UBXN2A: variants seen among roughly 807,000 people sequenced by gnomAD.
The protein encoded by UBXN2A is UBX domain-containing protein 2A.
In UBXN2A, 28 loss-of-function variants were observed where a neutral mutation model predicts 28.4. The ratio of observed to expected loss-of-function variants is 0.99; its 90% CI spans 0.73 to 1.35. UBXN2A has a LOEUF of 1.35. UBXN2A is among the 40% of genes most tolerant of loss of function. The pLI is 0.00. For missense variants in UBXN2A, 253 were observed against 297.9 expected (o/e 0.85, Z 1.11); for synonymous variants, 97 against 103.6 (o/e 0.94, Z 0.39).
chr2:23,956,210 A>G (rs964190319), intron 1 of UBXN2A, among the ~76,000 whole-genome samples: 6 of 151,576 alleles, frequency 4.0e-5, no homozygotes, highest in African/African-American at 1.2e-4. Context: ...ATAGACTCAC[A>G]TATTTTTGTT....
At chr2:23,977,849 C>T (rs1006448882) in intron 4 of UBXN2A, among the ~76,000 whole-genome samples, 2 of 151,340 alleles carry the variant, frequency 1.3e-5, no homozygotes, top group Non-Finnish European at 2.9e-5. Context: ...TTTTTTTTCC[C>T]GAGATGGAGT....
Position 23,967,840 on chromosome 2 carries a change from G to A in UBXN2A, c.42-3436G>A, listed in dbSNP as rs117228337. Among the ~76,000 whole-genome samples, 270 of 152,182 alleles carry A rather than the reference G, an allele frequency of 1.8e-3. 1 individual carries two copies. Among genetic ancestry groups the A allele is most frequent in the East Asian group, 5.8e-3 (30 of 5,184 alleles). ...TATGGAGTATTTTAAGAGTATATACGAGAGGACTACCTAGGGAAGGAAAAA... is the reference window on the plus strand; with the variant it reads ...TATGGAGTATTTTAAGAGTATATACAAGAGGACTACCTAGGGAAGGAAAAA... On this transcript the variant is annotated intron_variant, in intron 2 of 6. Coordinates refer to ENST00000309033, the MANE Select transcript of UBXN2A (RefSeq NM_181713.4).
At chr2:23,991,406 T>TACACACACACACACAC (rs371442810) in intron 6 of UBXN2A, among the ~76,000 whole-genome samples, 114 of 148,524 alleles carry the variant, frequency 7.7e-4, no homozygotes, top group Middle Eastern at 3.4e-3. Flanking sequence ...TTTTATTTTA[T>TACACACACACACACAC]ACACACACAC....
chr2:23,969,819 C>T (rs185367497), intron 2 of UBXN2A, among the ~76,000 whole-genome samples: 2 of 152,028 alleles, frequency 1.3e-5, no homozygotes, highest in East Asian at 3.9e-4. Flanking sequence ...GACTCTGTCT[C>T]AAAAATAAAT....
chr2:23,970,368 C>T (rs1044468768), intron 2 of UBXN2A, among the ~76,000 whole-genome samples: 3 of 152,068 alleles, frequency 2.0e-5, no homozygotes, highest in African/African-American at 7.2e-5. Context: ...ATTTTTGCCC[C>T]TAGATGCATT....
intron 1 of UBXN2A, among the ~76,000 whole-genome samples, chr2:23,944,605 G>T (rs1241081883): frequency 6.6e-6 from 1 of 152,258 alleles, no homozygotes; most frequent in African/African-American, 2.4e-5. Flanking sequence ...CCTAATCTGG[G>T]CCTAGAAGCA....
chr2:23,992,919 A>G (rs1708404212), intron 6 of UBXN2A, among the ~76,000 whole-genome samples: 1 of 152,190 alleles, frequency 6.6e-6, no homozygotes, highest in Non-Finnish European at 1.5e-5. Context: ...CTAGGCTAAC[A>G]GTATTAGTTT....
intron 1 of UBXN2A, among the ~76,000 whole-genome samples, chr2:23,955,002 G>A (rs1423670853): frequency 6.9e-6 from 1 of 144,584 alleles, no homozygotes; most frequent in Admixed American, 7.3e-5. Flanking sequence ...GTGCAATTTC[G>A]GCTCACTGCA....
rs183912947 is a variant in UBXN2A, at chr2:23,982,284, G to A, written c.288-612G>A. ...TAGGAGGCTGAGGCAGGAGAATGGC[G>A]TGAACCCGGGAGGCGGAGCTTGCAG... On this transcript the variant is annotated intron_variant, in intron 4 of 6. Coordinates refer to ENST00000309033, the MANE Select transcript of UBXN2A (RefSeq NM_181713.4). Among the ~76,000 whole-genome samples, 506 of 151,782 alleles carry A rather than the reference G, an allele frequency of 3.3e-3. 3 individuals are homozygous for A. Among genetic ancestry groups the A allele is most frequent in the African/African-American group, 0.012 (488 of 41,410 alleles).
intron 2 of UBXN2A, among the ~76,000 whole-genome samples, chr2:23,967,870 TATACCTAA>T (rs1287159042): frequency 2.0e-4 from 30 of 152,136 alleles, no homozygotes; most frequent in Admixed American, 1.2e-3. Flanking sequence ...GAAAAAAATG[TATACCTAA>T]GTTAAAGCAC....
Position 23,959,112 on chromosome 2 carries a change from C to T in UBXN2A, c.41+757C>T, listed in dbSNP as rs145088002. On this transcript the variant is annotated intron_variant, in intron 2 of 6. Transcript: ENST00000309033. ...CCTCTCAAAATGCTAGGATTATAAG[C>T]GTGAGCCACCATGCTTGGCCTATTA... Among the ~76,000 whole-genome samples, 35 of 152,266 alleles carry T rather than the reference C, an allele frequency of 2.3e-4. No homozygotes were observed. The East Asian group carries it at 5.6e-3, about 24-fold the overall frequency.
rs1441424669 is a variant in UBXN2A, at chr2:23,962,131, C to T, written c.41+3776C>T. Among the ~76,000 whole-genome samples, 3 of 152,194 alleles carry T rather than the reference C, an allele frequency of 2.0e-5. No individual in the cohort carries two copies. In the East Asian group the frequency reaches 5.8e-4, roughly 29 times the overall value. On this transcript the variant is annotated intron_variant, in intron 2 of 6. Transcript: ENST00000309033. ...AAAGTGCTAGGATTACAGGCATGAG[C>T]CACCGCGCCCAGCCAAAAACTGCTT...
chr2:23,946,424 G>A (rs192896919), intron 1 of UBXN2A, among the ~76,000 whole-genome samples: 44 of 151,974 alleles, frequency 2.9e-4, no homozygotes, highest in Non-Finnish European at 4.7e-4. Flanking sequence ...GGGTTCAAGC[G>A]ATTCCCCTGC....
intron 6 of UBXN2A, among the ~76,000 whole-genome samples, chr2:23,987,304 T>C (rs2150904549): frequency 6.6e-6 from 1 of 152,296 alleles, no homozygotes; most frequent in African/African-American, 2.4e-5. Flanking sequence ...ATACCTTATG[T>C]GTCTTTCTGT....
chr2:23,998,565 C>G (rs1708626994), intron 6 of UBXN2A, among the ~76,000 whole-genome samples: 1 of 152,006 alleles, frequency 6.6e-6, no homozygotes, highest in South Asian at 2.1e-4. Flanking sequence ...CTAAGAAATA[C>G]AAAAACTAGC....
At chr2:23,959,629 C>A (rs1004527113) in intron 2 of UBXN2A, among the ~76,000 whole-genome samples, 13 of 152,102 alleles carry the variant, frequency 8.5e-5, no homozygotes, top group African/African-American at 3.1e-4. Flanking sequence ...TAATTTATTA[C>A]AGTGAAGGGT....
intron 3 of UBXN2A, among the ~76,000 whole-genome samples, chr2:23,974,053 C>G (rs1470376773): frequency 7.0e-6 from 1 of 141,872 alleles, no homozygotes; most frequent in Non-Finnish European, 1.5e-5. Context: ...CTCGCTCTGT[C>G]GCCCAGGCTG....
intron 6 of UBXN2A, among the ~76,000 whole-genome samples, chr2:23,993,123 CA>C (rs1708411190): frequency 6.6e-6 from 1 of 152,168 alleles, no homozygotes; most frequent in East Asian, 1.9e-4. Context: ...AGAAGAAGCA[CA>C]AGTTTGAAAT....
intron 3 of UBXN2A, among the ~76,000 whole-genome samples, chr2:23,974,038 G>A (rs190578039): frequency 5.2e-4 from 74 of 142,218 alleles, no homozygotes; most frequent in Admixed American, 1.5e-3. Context: ...TTTTTGAGAC[G>A]GAGTCTCGCT....
Sources: allele counts gnomAD v4.1 joint callset (sites outside exome capture counted in the v4.1 genomes callset), GRCh38; gene constraint gnomAD v4.1.1; transcripts MANE v1.5; gene names NCBI Gene and HGNC (gene_info 2026-07-23, HGNC 2026-07-21).